The following RCOR3 variants were observed in gnomAD, a reference collection of about 807,000 sequenced individuals.
RCOR3 encodes REST corepressor 3.
In RCOR3, 13 loss-of-function variants were observed where a neutral mutation model predicts 64.1. The ratio of observed to expected loss-of-function variants is 0.20; its 90% CI spans 0.13 to 0.32. The LOEUF (loss-of-function observed/expected upper bound fraction) is 0.32, where lower values mean the gene tolerates loss of function less well. Among genes scored for constraint, RCOR3 ranks in the 10% least tolerant of loss-of-function variants. The pLI is 1.00. For synonymous variants in RCOR3, 215 were observed against 239.0 expected (o/e 0.90, Z 0.93); for missense variants, 489 against 701.2 (o/e 0.70, Z 3.42).
In RCOR3 at chr1:211,289,184, A is replaced by G. The variant is rs1320000609; in HGVS notation, c.727A>G (p.Thr243Ala). The change falls in exon 8 of 12, where the codon ACT (threonine) becomes GCT (alanine). Residue 243 changes from threonine to alanine, a missense_variant. Physicochemically the swap from Thr to Ala is moderately conservative, Grantham distance 58. Coordinates refer to ENST00000419091, the MANE Select transcript of RCOR3 (RefSeq NM_001136223.3). ...TCTGCTTTTATTCTCTTAGGGTAAT[A>G]CTGAACAACCTGTCCAAACTAGCAA... is the stretch of plus-strand genomic sequence containing the variant. ...PKKEAKKEGN[T>A]EQPVQTSKIG... The G allele has an allele frequency of 2.0e-5, 32 of 1,613,498 alleles. No individual in the cohort carries two copies. The highest frequency in any genetic ancestry group is 2.7e-5 in the Non-Finnish European group (32 of 1,179,392).
intron 9 of RCOR3, among the ~76,000 whole-genome samples, chr1:211,298,413 A>G (rs1700054180): frequency 6.6e-6 from 1 of 152,204 alleles, no homozygotes; most frequent in African/African-American, 2.4e-5. Flanking sequence ...TTAGTGTTGA[A>G]CAGTACATTC....
intron 8 of RCOR3, among the ~76,000 whole-genome samples, chr1:211,295,044 AT>A (rs67407386): frequency 2.5e-4 from 11 of 44,364 alleles, no homozygotes; most frequent in African/African-American, 6.5e-4. Context: ...TGACCAGCTA[AT>A]TTTTTTTTTT....
In RCOR3 at chr1:211,289,306, GGAAGAT is replaced by G; in HGVS notation, c.851_856del (p.Glu284_Asp285del). The stretch of plus-strand genomic sequence containing the variant: ...CACCTAAGGGCATGTATTTAACCCA[GGAAGAT>G]GTGGTAGCAGTTTCCTGTAGTCCCA... On this transcript the variant is annotated inframe_deletion, in exon 8 of 12. Transcript: ENST00000419091. 6.2e-7 allele frequency: 1 copy of G among 1,614,128 alleles called. No homozygotes were observed. The highest frequency in any genetic ancestry group is 8.5e-7 in the Non-Finnish European group (1 of 1,180,026).
chr1:211,282,408 T>C (rs1416194999), intron 7 of RCOR3, among the ~76,000 whole-genome samples: 1 of 152,188 alleles, frequency 6.6e-6, no homozygotes, highest in African/African-American at 2.4e-5. Context: ...TTAAAAGTTG[T>C]GAACTATTTA....
In RCOR3 at chr1:211,313,328, AT is replaced by A. The variant is rs1295353080; in HGVS notation, c.1318-93del. 1 of 1,480,224 alleles carries A rather than the reference AT, an allele frequency of 6.8e-7. No individual in the cohort carries two copies. The highest frequency in any genetic ancestry group is 1.4e-5 in the African/African-American group (1 of 70,370). The allele number at this position is 1,480,224 out of a possible 1,614,324, so 91.7% of individuals were successfully genotyped here. A position where few individuals can be genotyped will look rare whatever the true frequency, so the allele number is the denominator to read the frequency against. On this transcript the variant is annotated intron_variant, in intron 11 of 11. Transcript: ENST00000419091. This position sits in a 1 kb window ranked among gnomAD's most constrained non-coding sequence, Gnocchi z 4.7. ...GGTGTTATGTTTTTGTTTTGTTTTG[AT>A]TTGTTTTGTTTTTCCTGTGACAGCC...
intron 2 of RCOR3, among the ~76,000 whole-genome samples, chr1:211,263,023 T>TCCCCCCC (rs1558037707): frequency 1.5e-5 from 1 of 65,414 alleles, no homozygotes; most frequent in African/African-American, 5.6e-5. Flanking sequence ...CCCTCCCCCC[T>TCCCCCCC]GCCCCCACCC....
At chr1:211,295,537 C>T in intron 8 of RCOR3, 139 bp from the exon 9 acceptor site, 1 of 670,044 alleles carries the variant, frequency 1.5e-6, no homozygotes. Flanking sequence ...CATGTCATAC[C>T]CCAAGTGTGA....
intron 2 of RCOR3, chr1:211,267,836 G>A (rs930957021): frequency 1.6e-5 from 6 of 371,464 alleles, no homozygotes; most frequent in South Asian, 3.8e-5. Flanking sequence ...CAAGCCATCC[G>A]CCCTCCTTGG....
chr1:211,282,541 G>T (rs762256712), intron 7 of RCOR3, among the ~76,000 whole-genome samples: 4 of 147,438 alleles, frequency 2.7e-5, no homozygotes, highest in African/African-American at 5.0e-5. Flanking sequence ...TCACTCTGTC[G>T]CCCAGGCTGG....
Position 211,313,816 on chromosome 1 carries a change from CCAG to C in RCOR3, c.*49_*51del. 5 of 1,467,090 alleles carry C rather than the reference CCAG, an allele frequency of 3.4e-6. No individual in the cohort carries two copies. The highest frequency in any genetic ancestry group is 4.7e-6 in the Non-Finnish European group (5 of 1,054,738). 90.9% of individuals were successfully genotyped at this position (1,467,090 alleles called of 1,614,324 possible). ...AGTAACTTTTCACCCCATCATTATA[CCAG>C]TGCTCATCTGACTGATGAAAAAGAG... On this transcript the variant is annotated 3_prime_UTR_variant, in exon 12 of 12. Coordinates refer to ENST00000419091, the MANE Select transcript of RCOR3 (RefSeq NM_001136223.3). This position sits in a 1 kb window ranked among gnomAD's most constrained non-coding sequence, Gnocchi z 4.7.
chr1:211,297,849 C>CT (rs1159753718), intron 9 of RCOR3, among the ~76,000 whole-genome samples: 1 of 152,190 alleles, frequency 6.6e-6, no homozygotes. Context: ...ATCAGGTAAT[C>CT]TATCTCCTTA....
Position 211,306,367 on chromosome 1 carries a change from T to TA in RCOR3, c.1075+2237dup, listed in dbSNP as rs957078295. On this transcript the variant is annotated intron_variant, in intron 10 of 11. Coordinates refer to ENST00000419091, the MANE Select transcript of RCOR3 (RefSeq NM_001136223.3). Reference sequence around the variant, plus strand: ...CAATTGTTTTTGTTTTTTCTTTTTTTAAAAAAAAAAGTATGGTAAACCTTC... The same window carrying TA: ...CAATTGTTTTTGTTTTTTCTTTTTTTAAAAAAAAAAAGTATGGTAAACCTTC... 6.1e-4 allele frequency among the ~76,000 whole-genome samples: 92 copies of TA among 149,760 alleles called. No homozygotes were observed. The East Asian group carries it at 0.012, about 20-fold the overall frequency.
At chr1:211,294,328 A>G (rs1226650757) in intron 8 of RCOR3, among the ~76,000 whole-genome samples, 2 of 152,142 alleles carry the variant, frequency 1.3e-5, no homozygotes, top group Non-Finnish European at 2.9e-5. Flanking sequence ...TTCACAAACT[A>G]CAACCATTTT....
At chr1:211,274,507 G>A (rs1207873712) in intron 4 of RCOR3, among the ~76,000 whole-genome samples, 2 of 151,986 alleles carry the variant, frequency 1.3e-5, no homozygotes, top group African/African-American at 4.8e-5. Context: ...TTTGAGTTCT[G>A]AAAGTTTCTG....
intron 2 of RCOR3, among the ~76,000 whole-genome samples, chr1:211,264,929 G>T (rs747144776): frequency 5.9e-5 from 9 of 152,092 alleles, no homozygotes; most frequent in Non-Finnish European, 1.2e-4. Context: ...GTGTGTAGAG[G>T]CTAATTTTTT....
At chr1:211,274,604 A>G (rs1432577323) in intron 4 of RCOR3, among the ~76,000 whole-genome samples, 1 of 152,098 alleles carries the variant, frequency 6.6e-6, no homozygotes, top group Admixed American at 6.6e-5. Flanking sequence ...ACATAGATAG[A>G]ACTTTAAAAC....
At chr1:211,282,506 T>C (rs888090917) in intron 7 of RCOR3, among the ~76,000 whole-genome samples, 1 of 150,958 alleles carries the variant, frequency 6.6e-6, no homozygotes, top group African/African-American at 2.4e-5. Context: ...TATTCTTGTT[T>C]TTTTTTTTTT....
At chr1:211,305,016 C>A (rs1700724252) in intron 10 of RCOR3, among the ~76,000 whole-genome samples, 1 of 151,864 alleles carries the variant, frequency 6.6e-6, no homozygotes, top group African/African-American at 2.4e-5. Flanking sequence ...TAGTGGGGCC[C>A]CAATGAAACA....
intron 8 of RCOR3, 97 bp downstream of exon 8, chr1:211,289,493 C>A: frequency 1.1e-6 from 1 of 949,952 alleles, no homozygotes; most frequent in South Asian, 1.6e-5. Flanking sequence ...GCAGATTTTT[C>A]TCAGCCATCC....
Sources: allele counts gnomAD v4.1 joint callset (sites outside exome capture counted in the v4.1 genomes callset), GRCh38; gene constraint gnomAD v4.1.1; non-coding constraint Gnocchi (gnomAD v3.1); transcripts MANE v1.5; gene names NCBI Gene and HGNC (gene_info 2026-07-23, HGNC 2026-07-21).